STXBP5L: variants seen among roughly 807,000 people sequenced by gnomAD.
STXBP5L encodes syntaxin-binding protein 5-like.
In STXBP5L, 65 loss-of-function variants were observed where a neutral mutation model predicts 144.5. The ratio of observed to expected loss-of-function variants is 0.45; its 90% CI spans 0.37 to 0.55. STXBP5L has a LOEUF of 0.55. STXBP5L is among the 20% of genes least tolerant of loss of function. The pLI, the probability that STXBP5L is intolerant of heterozygous loss-of-function variation, is 0.00. For synonymous variants in STXBP5L, 505 were observed against 469.6 expected (o/e 1.08, Z -0.97); for missense variants, 1,298 against 1,405.5 (o/e 0.92, Z 1.22).
intron 3 of STXBP5L, among the ~76,000 whole-genome samples, chr3:121,032,389 G>A (rs1192831237): frequency 6.6e-6 from 1 of 152,152 alleles, no homozygotes; most frequent in Admixed American, 6.6e-5. Flanking sequence ...AGTGATCATT[G>A]AATTTAGCTA....
chr3:120,925,253 G>A (rs1222327006), intron 2 of STXBP5L: 1 of 152,026 alleles, frequency 6.6e-6, no homozygotes, highest in African/African-American at 2.4e-5. Flanking sequence ...GCCTCGAGTG[G>A]GTTGCTGAAG....
intron 3 of STXBP5L, among the ~76,000 whole-genome samples, chr3:121,020,197 C>G (rs559391365): frequency 6.6e-6 from 1 of 152,010 alleles, no homozygotes; most frequent in African/African-American, 2.4e-5. Flanking sequence ...GAAGACAGGA[C>G]TTTTGATTTA....
rs187052211 is a variant in STXBP5L, at chr3:121,340,936, G to A, written c.2176+22396G>A. On this transcript the variant is annotated intron_variant, in intron 20 of 26. Transcript: ENST00000471454. ...TGCAATCAGTGTTAAGTTGTCAACA[G>A]TTTAAAATCATGGATTATAAGATAT... Among the ~76,000 whole-genome samples, 4 of 152,148 alleles carry A rather than the reference G, an allele frequency of 2.6e-5. No individual in the cohort carries two copies. The East Asian group carries it at 5.8e-4, about 22-fold the overall frequency.
chr3:121,211,554 C>T (rs1207912259), intron 10 of STXBP5L, among the ~76,000 whole-genome samples: 1 of 145,940 alleles, frequency 6.9e-6, no homozygotes, highest in Non-Finnish European at 1.5e-5. Flanking sequence ...TCCAGCATCT[C>T]TTATTTCCTG....
chr3:121,278,978 T>C (rs1473481900), intron 18 of STXBP5L, among the ~76,000 whole-genome samples: 1 of 151,738 alleles, frequency 6.6e-6, no homozygotes, highest in African/African-American at 2.4e-5. Context: ...AGCAGATGGT[T>C]TGTAAACAAG....
chr3:121,311,151 G>C (rs1301934728), intron 19 of STXBP5L, among the ~76,000 whole-genome samples: 1 of 152,100 alleles, frequency 6.6e-6, no homozygotes, highest in Admixed American at 6.6e-5. Context: ...AGTCATCAGA[G>C]AAATTTAAAA....
At chr3:121,325,958 G>T (rs182295870) in intron 20 of STXBP5L, among the ~76,000 whole-genome samples, 47 of 150,762 alleles carry the variant, frequency 3.1e-4, no homozygotes, top group African/African-American at 1.0e-3. Flanking sequence ...AAGGTCCTCT[G>T]ATTATTTGGC....
rs1449200725 is a variant in STXBP5L at position 121,284,365 on chromosome 3, T to C, written c.2110+4409T>C. On this transcript the variant is annotated intron_variant, in intron 19 of 26. Transcript: ENST00000471454. ...AAGTTTACTTTCTATAGTAAGCCTTTCCTACCACCATCAGAGCCCTGTTGT... is the reference window on the plus strand; with the variant it reads ...AAGTTTACTTTCTATAGTAAGCCTTCCCTACCACCATCAGAGCCCTGTTGT... Among the ~76,000 whole-genome samples, 6 of 152,064 alleles carry C rather than the reference T, an allele frequency of 3.9e-5. No individual in the cohort carries two copies. In the East Asian group the frequency reaches 1.2e-3, roughly 29 times the overall value.
intron 19 of STXBP5L, among the ~76,000 whole-genome samples, chr3:121,302,709 C>A (rs1278920818): frequency 6.6e-6 from 1 of 152,036 alleles, no homozygotes; most frequent in Non-Finnish European, 1.5e-5. Flanking sequence ...CAGAACAGAA[C>A]CCTCAAAAAT....
chr3:120,986,870 T>C (rs552620628), intron 3 of STXBP5L, among the ~76,000 whole-genome samples: 1 of 151,974 alleles, frequency 6.6e-6, no homozygotes, highest in South Asian at 2.1e-4. Flanking sequence ...AACTTGAAGA[T>C]AGCGCAATGA....
At chr3:120,946,849 G>A (rs1391555843) in intron 2 of STXBP5L, among the ~76,000 whole-genome samples, 3 of 151,678 alleles carry the variant, frequency 2.0e-5, no homozygotes, top group East Asian at 1.9e-4. Context: ...AAAAAGTAGA[G>A]GGGAAGCAAA....
At chr3:121,025,426 T>C (rs1214045467) in intron 3 of STXBP5L, among the ~76,000 whole-genome samples, 2 of 152,104 alleles carry the variant, frequency 1.3e-5, no homozygotes, top group African/African-American at 2.4e-5. Flanking sequence ...TAAATATAAA[T>C]ATTATAATGC....
intron 3 of STXBP5L, among the ~76,000 whole-genome samples, chr3:121,025,457 T>C (rs921215544): frequency 3.3e-5 from 5 of 152,148 alleles, no homozygotes; most frequent in Admixed American, 2.0e-4. Flanking sequence ...TCTTGAATAA[T>C]CAGATCTGAG....
chr3:121,309,361 A>T (rs557789022), intron 19 of STXBP5L, among the ~76,000 whole-genome samples: 13 of 152,192 alleles, frequency 8.5e-5, no homozygotes, highest in African/African-American at 3.1e-4. Context: ...AATACCATTT[A>T]AAAAAATAGA....
intron 3 of STXBP5L, among the ~76,000 whole-genome samples, chr3:121,009,775 G>A (rs975959229): frequency 6.6e-6 from 1 of 151,766 alleles, no homozygotes; most frequent in Admixed American, 6.6e-5. Context: ...TTCTTATTTG[G>A]TGGATCGTAA....
At chr3:121,217,773 A>C (rs2048830299) in intron 10 of STXBP5L, among the ~76,000 whole-genome samples, 1 of 151,998 alleles carries the variant, frequency 6.6e-6, no homozygotes, top group Non-Finnish European at 1.5e-5. Flanking sequence ...GTAGACTAAG[A>C]AACTTGAAAG....
At chr3:121,182,588 G>A (rs185422535) in intron 9 of STXBP5L, among the ~76,000 whole-genome samples, 9 of 152,050 alleles carry the variant, frequency 5.9e-5, no homozygotes, top group Admixed American at 5.9e-4. Flanking sequence ...ACATCTCAAG[G>A]AACTAGAGAA....
intron 2 of STXBP5L, among the ~76,000 whole-genome samples, chr3:120,920,797 G>A (rs561636153): frequency 5.9e-5 from 9 of 151,872 alleles, no homozygotes; most frequent in Admixed American, 2.0e-4. Flanking sequence ...TTACATTCAT[G>A]TTACTGCAAG....
At chr3:120,998,218 G>A (rs1238613754) in intron 3 of STXBP5L, among the ~76,000 whole-genome samples, 1 of 152,060 alleles carries the variant, frequency 6.6e-6, no homozygotes, top group African/African-American at 2.4e-5. Flanking sequence ...ACATAGTACT[G>A]GAAGTCCTAG....
Sources: gnomAD v4.1 joint callset for allele counts (sites outside exome capture counted in the v4.1 genomes callset) on GRCh38, gnomAD v4.1.1 for gene constraint, MANE v1.5 for transcripts, NCBI Gene and HGNC (gene_info 2026-07-23, HGNC 2026-07-21) for gene names.